GPIHBP1: variants seen among roughly 807,000 people sequenced by gnomAD.
GPIHBP1 encodes glycosylphosphatidylinositol-anchored high density lipoprotein-binding protein 1.
A neutral mutation model predicts 13.0 loss-of-function variants in GPIHBP1; 11 were observed. The observed-to-expected ratio is 0.84, with a 90% CI of 0.53 to 1.40. The LOEUF is 1.40. GPIHBP1 is among the 40% of genes most tolerant of loss of function. GPIHBP1 has a pLI of 0.00. For missense variants in GPIHBP1, 231 were observed against 241.1 expected (o/e 0.96, Z 0.28); for synonymous variants, 106 against 102.2 (o/e 1.04, Z -0.22).
rs1373182279 is a variant in GPIHBP1, at chr8:143,214,376, A to G, written c.181+426A>G. Among the ~76,000 whole-genome samples, 1 of 152,048 alleles carries G rather than the reference A, an allele frequency of 6.6e-6. No homozygotes were observed. Among genetic ancestry groups the G allele is most frequent in the African/African-American group, 2.4e-5 (1 of 41,366 alleles). On this transcript the variant is annotated intron_variant, in intron 2 of 3. Transcript: ENST00000622500. This position sits in a 1 kb window ranked among gnomAD's most constrained non-coding sequence, Gnocchi z 4.1. ...GCCAGGGAACCGCTTAGAGCAGAGC[A>G]GAGTAGGGCTAAGAAGAGCCCACCC...
At chr8:143,213,716 G>A (rs548932269) in intron 1 of GPIHBP1, 106 bp from the exon 2 acceptor site, 245 of 1,492,750 alleles carry the variant, frequency 1.6e-4, no homozygotes, top group Non-Finnish European at 2.0e-4. Context: ...CCTGGGGCCC[G>A]AGGATGGCTG....
At position 143,216,980 on chromosome 8, in the gene GPIHBP1, T is replaced by G. The variant is rs1816322225; in HGVS notation, c.*1462T>G. On this transcript the variant is annotated 3_prime_UTR_variant, in exon 4 of 4. Transcript: ENST00000622500. ...CCTAGATGGTGGGGTCACGTCTTTC[T>G]CCTTCTCCTTCCTCCTTCTGCTGGC... 1 of 152,356 alleles carries G rather than the reference T, an allele frequency of 6.6e-6. No homozygotes were observed. The highest frequency in any genetic ancestry group is 2.1e-4 in the South Asian group (1 of 4,838). 9.4% of individuals were successfully genotyped at this position (152,356 alleles called of 1,614,324 possible). A position where few individuals can be genotyped will look rare whatever the true frequency, so the allele number is the denominator to read the frequency against.
chr8:143,213,222 C>G lies in GPIHBP1; in HGVS notation c.-46C>G, dbSNP rs1816245521. ...CATCCCACTTACCGCAGCTCCAGAGCCCTGCGGGAGGACTCAGAGTCAGGG... is the reference window on the plus strand; with the variant it reads ...CATCCCACTTACCGCAGCTCCAGAGGCCTGCGGGAGGACTCAGAGTCAGGG... On this transcript the variant is annotated 5_prime_UTR_variant, in exon 1 of 4. Transcript: ENST00000622500. 1 of 1,541,836 alleles carries G rather than the reference C, an allele frequency of 6.5e-7. No individual in the cohort carries two copies. The highest frequency in any genetic ancestry group is 8.8e-7 in the Non-Finnish European group (1 of 1,135,818).
chr8:143,213,360 C>G (rs1037980806), intron 1 of GPIHBP1, 41 bp downstream of exon 1: 1 of 1,535,904 alleles, frequency 6.5e-7, no homozygotes, highest in Admixed American at 1.8e-5. Context: ...GGGGCAGCAA[C>G]AGCAGTCCTG....
intron 1 of GPIHBP1, 109 bp from the exon 2 acceptor site, chr8:143,213,713 C>G: frequency 6.7e-7 from 1 of 1,503,140 alleles, no homozygotes; most frequent in Non-Finnish European, 9.0e-7. Context: ...CACCCTGGGG[C>G]CCGAGGATGG....
rs1816311070 is a variant in GPIHBP1, at chr8:143,216,320, T to C, written c.*802T>C. 6.6e-6 allele frequency: 1 copy of C among 152,102 alleles called. No individual in the cohort carries two copies. Among genetic ancestry groups the C allele is most frequent in the South Asian group, 2.1e-4 (1 of 4,828 alleles). 9.4% of individuals were successfully genotyped at this position (152,102 alleles called of 1,614,324 possible). ...CTGGGCTTAGGACAGCGCCTGAGGC[T>C]GGGAATACCTGTCTCTGCTCTAGCA... is the stretch of plus-strand genomic sequence containing the variant. On this transcript the variant is annotated 3_prime_UTR_variant, in exon 4 of 4. Coordinates refer to ENST00000622500, the MANE Select transcript of GPIHBP1 (RefSeq NM_178172.6).
rs769340067 is a variant in GPIHBP1, at chr8:143,213,241, G to T, written c.-27G>T. On this transcript the variant is annotated 5_prime_UTR_variant, in exon 1 of 4. Coordinates refer to ENST00000622500, the MANE Select transcript of GPIHBP1 (RefSeq NM_178172.6). ...CCAGAGCCCTGCGGGAGGACTCAGAGTCAGGGACACAGCAGCGTCCGGCGA... is the reference window on the plus strand; with the variant it reads ...CCAGAGCCCTGCGGGAGGACTCAGATTCAGGGACACAGCAGCGTCCGGCGA... 1.9e-6 allele frequency: 3 copies of T among 1,584,442 alleles called. No homozygotes were observed. Among genetic ancestry groups the T allele is most frequent in the Non-Finnish European group, 2.6e-6 (3 of 1,169,650 alleles).
rs2130670270 is a variant in GPIHBP1, at chr8:143,213,327, G to A, written c.52+8G>A. The A allele has an allele frequency of 1.9e-6, 3 of 1,592,482 alleles. No homozygotes were observed. The highest frequency in any genetic ancestry group is 1.3e-5 in the African/African-American group (1 of 74,952). ...TGCTGTTCGGGCGGCCAGGTGCGGG[G>A]CAAAGGGTAACCCTGCGGTGAGGGG... On this transcript the variant is annotated splice_region_variant and intron_variant, in intron 1 of 3. Transcript: ENST00000622500.
rs1326009807 is a variant in GPIHBP1, at chr8:143,214,758, T to C, written c.182-255T>C. Among the ~76,000 whole-genome samples the C allele has an allele frequency of 2.0e-5, 3 of 152,164 alleles. No individual in the cohort carries two copies. The highest frequency in any genetic ancestry group is 4.8e-5 in the African/African-American group (2 of 41,442). On this transcript the variant is annotated intron_variant, in intron 2 of 3. Coordinates refer to ENST00000622500, the MANE Select transcript of GPIHBP1 (RefSeq NM_178172.6). The surrounding 1 kb of genome is among the most constrained non-coding windows in gnomAD (Gnocchi z 4.1). Reference sequence around the variant, plus strand: ...GACCACGGCAGGAGCCTGGGCAGCATTGTCGCAGGACGTGAGTGATGATGG... The same window carrying C: ...GACCACGGCAGGAGCCTGGGCAGCACTGTCGCAGGACGTGAGTGATGATGG...
Position 143,214,224 on chromosome 8 carries a change from G to A in GPIHBP1, c.181+274G>A, listed in dbSNP as rs1222060898. 6.6e-6 allele frequency among the ~76,000 whole-genome samples: 1 copy of A among 152,092 alleles called. No homozygotes were observed. The highest frequency in any genetic ancestry group is 1.5e-5 in the Non-Finnish European group (1 of 68,020). ...TCACCAGGCAGAGAAGGGCTCAGTG[G>A]GGGCCTAGGGTGGAGACACAAGCAC... On this transcript the variant is annotated intron_variant, in intron 2 of 3. Transcript: ENST00000622500. The surrounding 1 kb of genome is among the most constrained non-coding windows in gnomAD (Gnocchi z 4.1).
rs758429169 is a variant in GPIHBP1, at chr8:143,215,648, C to A, written c.*130C>A. The A allele has an allele frequency of 3.8e-6, 3 of 788,638 alleles. No homozygotes were observed. Among genetic ancestry groups the A allele is most frequent in the African/African-American group, 1.7e-5 (1 of 57,534 alleles). 48.9% of individuals were successfully genotyped at this position (788,638 alleles called of 1,614,324 possible). A position where few individuals can be genotyped will look rare whatever the true frequency, so the allele number is the denominator to read the frequency against. ...GGAGTGTCTTGGGCGATCCAGCCAGCGCAGGCCCCCCGGCCCGGTTGCTTC... is the reference window on the plus strand; with the variant it reads ...GGAGTGTCTTGGGCGATCCAGCCAGAGCAGGCCCCCCGGCCCGGTTGCTTC... On this transcript the variant is annotated 3_prime_UTR_variant, in exon 4 of 4. Transcript: ENST00000622500.
Position 143,213,848 on chromosome 8 carries a change from G to A in GPIHBP1, c.79G>A (p.Glu27Lys), listed in dbSNP as rs1160679088. 8.3e-6 allele frequency: 13 copies of A among 1,561,044 alleles called. No homozygotes were observed. The highest frequency in any genetic ancestry group is 1.1e-5 in the Non-Finnish European group (13 of 1,152,844). The change falls in exon 2 of 4, where the codon GAG becomes AAG. Residue 27 changes from glutamate to lysine, a missense_variant. Physicochemically the swap from Glu to Lys is moderately conservative, Grantham distance 56. Transcript: ENST00000622500. ...GAGAGGGCAGACACAGCAGGAGGAAGAGGAAGAGGACGAGGACCACGGGCC... is the reference window on the plus strand; with the variant it reads ...GAGAGGGCAGACACAGCAGGAGGAAAAGGAAGAGGACGAGGACCACGGGCC... Reference protein sequence around the residue: ...PGRGQTQQEEEEEDEDHGPDD... With the variant: ...PGRGQTQQEEKEEDEDHGPDD...
chr8:143,214,069 G>A lies in GPIHBP1; in HGVS notation c.181+119G>A, dbSNP rs1217723938. On this transcript the variant is annotated intron_variant, in intron 2 of 3. Coordinates refer to ENST00000622500, the MANE Select transcript of GPIHBP1 (RefSeq NM_178172.6). The surrounding 1 kb of genome is among the most constrained non-coding windows in gnomAD (Gnocchi z 4.1). ...GCTGTGAGCTTGCCTCCAGCAGAGTGGGGGACACTCAGTACACCCCTCACT... is the reference window on the plus strand; with the variant it reads ...GCTGTGAGCTTGCCTCCAGCAGAGTAGGGGACACTCAGTACACCCCTCACT... 13 of 1,334,044 alleles carry A rather than the reference G, an allele frequency of 9.7e-6. 1 individual carries two copies. The highest frequency in any genetic ancestry group is 1.4e-5 in the Non-Finnish European group (13 of 958,770). 82.6% of individuals were successfully genotyped at this position (1,334,044 alleles called of 1,614,324 possible).
intron 1 of GPIHBP1, among the ~76,000 whole-genome samples, chr8:143,213,605 G>T (rs954452204): frequency 1.5e-5 from 1 of 65,306 alleles, no homozygotes; most frequent in African/African-American, 3.9e-5. Context: ...AGGACAGTGA[G>T]TAGGGTGAGT....
chr8:143,213,818 C>A lies in GPIHBP1; in HGVS notation c.53-4C>A. 1 of 1,571,528 alleles carries A rather than the reference C, an allele frequency of 6.4e-7. No individual in the cohort carries two copies. ...GAGGCTTACAAGCATCCCTGCACGG[C>A]CAGGGAGAGGGCAGACACAGCAGGA... is the stretch of plus-strand genomic sequence containing the variant. On this transcript the variant is annotated splice_polypyrimidine_tract_variant and splice_region_variant and intron_variant, in intron 1 of 3. Transcript: ENST00000622500.
rs567403717 is a variant in GPIHBP1, at chr8:143,214,521, A to G, written c.182-492A>G. On this transcript the variant is annotated intron_variant, in intron 2 of 3. Transcript: ENST00000622500. This position sits in a 1 kb window ranked among gnomAD's most constrained non-coding sequence, Gnocchi z 4.1. ...GCCGGCCCCTCCCTAGCCAGGGACCACAGCGTGCCCCACCACACACAGCCC... is the reference window on the plus strand; with the variant it reads ...GCCGGCCCCTCCCTAGCCAGGGACCGCAGCGTGCCCCACCACACACAGCCC... Among the ~76,000 whole-genome samples, 1 of 146,586 alleles carries G rather than the reference A, an allele frequency of 6.8e-6. No individual in the cohort carries two copies. The highest frequency in any genetic ancestry group is 2.7e-5 in the African/African-American group (1 of 37,378).
At chr8:143,215,209 C>G (rs78632677) in intron 3 of GPIHBP1, 50 bp from the exon 4 acceptor site, 1 of 1,612,660 alleles carries the variant, frequency 6.2e-7, no homozygotes, top group South Asian at 1.1e-5. Flanking sequence ...GCAGAGCCAC[C>G]TCAGAGACCC....
At position 143,214,875 on chromosome 8, in the gene GPIHBP1, C is replaced by A. The variant is rs970058503; in HGVS notation, c.182-138C>A. ...GCTTACAGGACCAAGTCAGGGGTCGCCCGCCCATCTGAGCAGTGGGTGCTG... is the reference window on the plus strand; with the variant it reads ...GCTTACAGGACCAAGTCAGGGGTCGACCGCCCATCTGAGCAGTGGGTGCTG... On this transcript the variant is annotated intron_variant, in intron 2 of 3. Coordinates refer to ENST00000622500, the MANE Select transcript of GPIHBP1 (RefSeq NM_178172.6). The surrounding 1 kb of genome is among the most constrained non-coding windows in gnomAD (Gnocchi z 4.1). 89 of 648,662 alleles carry A rather than the reference C, an allele frequency of 1.4e-4. No individual in the cohort carries two copies. The African/African-American group carries it at 1.5e-3, about 11-fold the overall frequency. The allele number at this position is 648,662 out of a possible 1,614,324, so 40.2% of individuals were successfully genotyped here. A position where few individuals can be genotyped will look rare whatever the true frequency, so the allele number is the denominator to read the frequency against.
rs745795326 is a variant in GPIHBP1 at position 143,215,000 on chromosome 8, G to A, written c.182-13G>A. On this transcript the variant is annotated splice_polypyrimidine_tract_variant and intron_variant, in intron 2 of 3. Coordinates refer to ENST00000622500, the MANE Select transcript of GPIHBP1 (RefSeq NM_178172.6). The surrounding 1 kb of genome is among the most constrained non-coding windows in gnomAD (Gnocchi z 4.1). ...GGGGGCCCGGCCTCGGCCTGAGCCC[G>A]CCTTGTCCCCAGTGCTGCTGCGGTG... 50 of 1,546,638 alleles carry A rather than the reference G, an allele frequency of 3.2e-5. No individual in the cohort carries two copies. The East Asian group carries it at 3.4e-4, about 11-fold the overall frequency.
Sources: gnomAD v4.1 joint callset for allele counts (sites outside exome capture counted in the v4.1 genomes callset) on GRCh38, gnomAD v4.1.1 for gene constraint, Gnocchi (gnomAD v3.1) non-coding constraint, MANE v1.5 for transcripts, NCBI Gene and HGNC (gene_info 2026-07-23, HGNC 2026-07-21) for gene names.